Variants in P3H2 observed in about 807,000 individuals in gnomAD.
P3H2 encodes prolyl 3-hydroxylase 2.
Under a neutral mutation model 87.0 loss-of-function variants are expected in P3H2, and 80 were observed. The observed-to-expected ratio is 0.92, with a 90% CI of 0.77 to 1.11. The LOEUF is 1.11. P3H2 is among the 50% of genes least tolerant of loss of function. The probability of loss-of-function intolerance (pLI) is 0.00; values close to 1 mark genes in which losing one functional copy is unlikely to be tolerated. For missense variants in P3H2, 1,001 were observed against 923.9 expected, an observed-to-expected ratio of 1.08 and a Z score of -1.08; for synonymous variants, 367 against 359.3, an observed-to-expected ratio of 1.02 and a Z score of -0.24.
At chr3:190,104,348 C>T (rs1269986405) in intron 1 of P3H2, among the ~76,000 whole-genome samples, 3 of 152,142 alleles carry the variant, frequency 2.0e-5, no homozygotes, top group Non-Finnish European at 4.4e-5. Context: ...GCATGGACTT[C>T]CACCCACTCC....
chr3:190,063,410 G>C (rs1048469843), intron 1 of P3H2, among the ~76,000 whole-genome samples: 6 of 152,170 alleles, frequency 3.9e-5, no homozygotes, highest in Non-Finnish European at 2.9e-5. Context: ...CAATACGTTT[G>C]GCTATTGCAT....
intron 1 of P3H2, among the ~76,000 whole-genome samples, chr3:190,009,223 G>A (rs1246199170): frequency 6.6e-6 from 1 of 152,170 alleles, no homozygotes; most frequent in Non-Finnish European, 1.5e-5. Flanking sequence ...AAAGTGGGGT[G>A]GGGTTTGAAA....
chr3:190,115,192 G>A (rs1410661413), intron 1 of P3H2, among the ~76,000 whole-genome samples: 1 of 151,962 alleles, frequency 6.6e-6, no homozygotes, highest in Non-Finnish European at 1.5e-5. Context: ...ATAGATTATG[G>A]TCAAGATACA....
chr3:189,979,312 T>C (rs183028580), intron 8 of P3H2, among the ~76,000 whole-genome samples: 123 of 151,834 alleles, frequency 8.1e-4, no homozygotes, highest in African/African-American at 2.7e-3. Context: ...CCTGTAATCC[T>C]AGCTACTTGG....
At chr3:189,970,739 C>T (rs1446300870) in intron 13 of P3H2, 77 bp downstream of exon 13, 7 of 839,332 alleles carry the variant, frequency 8.3e-6, no homozygotes, top group Admixed American at 1.7e-5. Context: ...GAAATCTAAC[C>T]ATCTGTAAGT....
rs548529471 is a variant in P3H2, at chr3:190,100,388, A to G, written c.480+19864T>C. 2.0e-3 allele frequency among the ~76,000 whole-genome samples: 306 copies of G among 152,186 alleles called. 1 individual carries two copies. The highest frequency in any genetic ancestry group is 7.2e-3 in the African/African-American group (299 of 41,512). On this transcript the variant is annotated intron_variant, in intron 1 of 14. Transcript: ENST00000319332. ...AATGTCACAATTTTTGGTATTGAGG[A>G]TAAGATACTAGGATTTATTAAAATG...
rs950417675 is a variant in P3H2, at chr3:190,095,074, G to A, written c.480+25178C>T. On this transcript the variant is annotated intron_variant, in intron 1 of 14. Transcript: ENST00000319332. The stretch of plus-strand genomic sequence containing the variant: ...AAAGTGAACATGTGCTTTATTCTTA[G>A]GTTTTGACAGGCATATCTAAGAATT... 3.3e-5 allele frequency among the ~76,000 whole-genome samples: 5 copies of A among 151,968 alleles called. 1 individual carries two copies. The highest frequency in any genetic ancestry group is 6.8e-3 in the Middle Eastern group (2 of 292).
At chr3:189,960,632 G>T (rs185957364) in intron 14 of P3H2, among the ~76,000 whole-genome samples, 17 of 152,274 alleles carry the variant, frequency 1.1e-4, no homozygotes, top group African/African-American at 3.9e-4. Context: ...AACTTGCCTT[G>T]TGGTTTAATT....
intron 1 of P3H2, 92 bp downstream of exon 1, chr3:190,120,160 A>C: frequency 6.9e-7 from 1 of 1,457,232 alleles, no homozygotes; most frequent in Non-Finnish European, 9.4e-7. Context: ...AATTCGAAAG[A>C]CTGAACAGAG....
At chr3:190,027,595 G>T (rs1453472218) in intron 1 of P3H2, among the ~76,000 whole-genome samples, 1 of 150,270 alleles carries the variant, frequency 6.7e-6, no homozygotes, top group East Asian at 2.0e-4. Context: ...TTAGATATAG[G>T]TTGGTGCAAA....
chr3:190,095,552 A>G (rs1030642512), intron 1 of P3H2, among the ~76,000 whole-genome samples: 2 of 150,098 alleles, frequency 1.3e-5, no homozygotes, highest in African/African-American at 4.9e-5. Flanking sequence ...CCATGAAGAT[A>G]TGTAATTTAG....
At chr3:190,009,904 T>TA (rs1724533370) in intron 1 of P3H2, among the ~76,000 whole-genome samples, 1 of 152,130 alleles carries the variant, frequency 6.6e-6, no homozygotes, top group Non-Finnish European at 1.5e-5. Flanking sequence ...GTAGAGGAAG[T>TA]ACTGTGGGAA....
chr3:190,003,840 T>C (rs181772804), intron 1 of P3H2, among the ~76,000 whole-genome samples: 1 of 152,338 alleles, frequency 6.6e-6, no homozygotes, highest in East Asian at 1.9e-4. Context: ...AGATGATGAC[T>C]AATGGTTACC....
At chr3:190,106,465 A>G (rs1711842379) in intron 1 of P3H2, among the ~76,000 whole-genome samples, 1 of 151,786 alleles carries the variant, frequency 6.6e-6, no homozygotes, top group Admixed American at 6.6e-5. Context: ...ACCATGATAT[A>G]TTTGCCTAAA....
At chr3:190,090,607 G>A (rs935864475) in intron 1 of P3H2, among the ~76,000 whole-genome samples, 2 of 152,086 alleles carry the variant, frequency 1.3e-5, no homozygotes, top group African/African-American at 4.8e-5. Flanking sequence ...GGAGGCTGAG[G>A]CAGGAGAATG....
At chr3:190,044,121 GTTTC>G (rs1725725914) in intron 1 of P3H2, among the ~76,000 whole-genome samples, 1 of 152,176 alleles carries the variant, frequency 6.6e-6, no homozygotes. Flanking sequence ...TCAAATAAGT[GTTTC>G]TTTAAAATAA....
chr3:189,958,495 G>C (rs1722706683), intron 14 of P3H2, among the ~76,000 whole-genome samples: 1 of 151,484 alleles, frequency 6.6e-6, no homozygotes, highest in African/African-American at 2.4e-5. Context: ...CGGAGTTTAG[G>C]TCAGGGTTTC....
intron 14 of P3H2, among the ~76,000 whole-genome samples, chr3:189,958,911 AC>A (rs1321966458): frequency 1.3e-5 from 2 of 150,608 alleles, no homozygotes; most frequent in Non-Finnish European, 3.0e-5. Context: ...TTGGTCTCAA[AC>A]TCCCGACCTC....
chr3:190,035,886 G>A (rs943978990), intron 1 of P3H2, among the ~76,000 whole-genome samples: 1 of 152,106 alleles, frequency 6.6e-6, no homozygotes, highest in Non-Finnish European at 1.5e-5. Context: ...TGGAGTGGGG[G>A]CAGGGGACAA....
Sources: gnomAD v4.1 joint callset for allele counts (sites outside exome capture counted in the v4.1 genomes callset) on GRCh38, gnomAD v4.1.1 for gene constraint, MANE v1.5 for transcripts, NCBI Gene and HGNC (gene_info 2026-07-23, HGNC 2026-07-21) for gene names.